CADM2: variants seen among roughly 807,000 people sequenced by gnomAD.
CADM2 encodes the protein immunoglobulin superfamily member 4D.
A neutral mutation model predicts 49.8 loss-of-function variants in CADM2; 12 were observed. The observed-to-expected ratio is 0.24, with a 90% confidence interval of 0.15 to 0.39. CADM2 has a LOEUF of 0.39. Ranked by LOEUF, CADM2 falls within the 10% of genes least tolerant of loss-of-function variation. CADM2 has a pLI of 1.00. For missense variants in CADM2, 378 were observed against 492.3 expected, an observed-to-expected ratio of 0.77 and a Z score of 2.20; for synonymous variants, 214 against 175.4, an observed-to-expected ratio of 1.22 and a Z score of -1.74.
At chr3:85,641,516 AATTAT>A (rs2064711377) in intron 1 of CADM2, among the ~76,000 whole-genome samples, 1 of 152,140 alleles carries the variant, frequency 6.6e-6, no homozygotes, top group Non-Finnish European at 1.5e-5. Flanking sequence ...TTTTTCCCAA[AATTAT>A]ATTGTTTGGA....
At chr3:85,987,666 T>C (rs907972219) in intron 8 of CADM2, among the ~76,000 whole-genome samples, 36 of 146,788 alleles carry the variant, frequency 2.5e-4, no homozygotes, top group Non-Finnish European at 3.5e-4. Flanking sequence ...TAATTTATAA[T>C]ATAAATTTAT....
intron 1 of CADM2, among the ~76,000 whole-genome samples, chr3:85,108,416 A>G (rs1317365508): frequency 6.6e-6 from 1 of 152,190 alleles, no homozygotes; most frequent in African/African-American, 2.4e-5. Flanking sequence ...TCTTGAAGAT[A>G]TTATACTAAG....
At chr3:86,030,216 T>C (rs1169707730) in intron 8 of CADM2, among the ~76,000 whole-genome samples, 1 of 151,980 alleles carries the variant, frequency 6.6e-6, no homozygotes, top group Non-Finnish European at 1.5e-5. Flanking sequence ...TCTAGAGACA[T>C]AGAATACTTA....
At chr3:85,498,316 A>G (rs2039987080) in intron 1 of CADM2, among the ~76,000 whole-genome samples, 1 of 152,142 alleles carries the variant, frequency 6.6e-6, no homozygotes, top group Non-Finnish European at 1.5e-5. Context: ...AAATAACAAC[A>G]ACAACTGTTA....
chr3:85,733,317 G>C (rs910323837), intron 2 of CADM2, among the ~76,000 whole-genome samples: 2 of 152,200 alleles, frequency 1.3e-5, no homozygotes, highest in African/African-American at 4.8e-5. Context: ...TTTATTGTAA[G>C]ATGACCCAGT....
At chr3:85,096,919 C>T (rs1233686424) in intron 1 of CADM2, among the ~76,000 whole-genome samples, 1 of 151,880 alleles carries the variant, frequency 6.6e-6, no homozygotes, top group Admixed American at 6.6e-5. Flanking sequence ...TTAGTTTTAC[C>T]TTTTATGTTT....
intron 1 of CADM2, among the ~76,000 whole-genome samples, chr3:85,602,499 G>A (rs2063435342): frequency 6.6e-6 from 1 of 151,634 alleles, no homozygotes; most frequent in South Asian, 2.1e-4. Context: ...AACAACTTGC[G>A]ACATTGTCTT....
intron 8 of CADM2, among the ~76,000 whole-genome samples, chr3:86,039,417 C>T (rs146698617): frequency 0.034 from 5,220 of 152,202 alleles, 177 homozygotes; most frequent in African/African-American, 0.083. Context: ...TCTTAGCGAA[C>T]GGCACACCAG....
intron 1 of CADM2, among the ~76,000 whole-genome samples, chr3:85,567,380 A>C (rs190263297): frequency 1.3e-5 from 2 of 152,284 alleles, no homozygotes; most frequent in Admixed American, 1.3e-4. Flanking sequence ...CAATGTATTT[A>C]AACTTGCTGT....
intron 1 of CADM2, among the ~76,000 whole-genome samples, chr3:85,248,040 G>A (rs1030288704): frequency 3.9e-5 from 6 of 151,974 alleles, no homozygotes; most frequent in Non-Finnish European, 4.4e-5. Flanking sequence ...TCCTCACTCA[G>A]ATAGATTGTG....
At chr3:85,539,297 T>C (rs1281605347) in intron 1 of CADM2, among the ~76,000 whole-genome samples, 1 of 152,092 alleles carries the variant, frequency 6.6e-6, no homozygotes, top group African/African-American at 2.4e-5. Context: ...GTGCTAATTA[T>C]ATCAGTAAAA....
At chr3:85,243,938 A>G (rs1458204960) in intron 1 of CADM2, among the ~76,000 whole-genome samples, 2 of 152,046 alleles carry the variant, frequency 1.3e-5, no homozygotes, top group African/African-American at 4.8e-5. Context: ...TAAAATCATT[A>G]TTAAATGTAT....
At chr3:85,008,796 A>G (rs1192073669) in intron 1 of CADM2, among the ~76,000 whole-genome samples, 1 of 152,102 alleles carries the variant, frequency 6.6e-6, no homozygotes, top group African/African-American at 2.4e-5. Flanking sequence ...TGTTTTAGTT[A>G]TCGTTTTTCT....
At chr3:85,693,797 G>A (rs2107688026) in intron 1 of CADM2, among the ~76,000 whole-genome samples, 1 of 148,784 alleles carries the variant, frequency 6.7e-6, no homozygotes, top group East Asian at 2.0e-4. Context: ...TCGGGAGGCT[G>A]AGGCAGGGGA....
At chr3:86,030,093 A>G (rs1734377028) in intron 8 of CADM2, among the ~76,000 whole-genome samples, 1 of 152,028 alleles carries the variant, frequency 6.6e-6, no homozygotes, top group South Asian at 2.1e-4. Flanking sequence ...AGGTTTAATG[A>G]ATGAAGCTTG....
chr3:85,873,530 G>T (rs1322081648), intron 3 of CADM2, among the ~76,000 whole-genome samples: 1 of 152,060 alleles, frequency 6.6e-6, no homozygotes, highest in Admixed American at 6.6e-5. Flanking sequence ...GTCAGGCATG[G>T]TGGTGTGTGC....
chr3:85,034,310 T>C (rs1250092314), intron 1 of CADM2, among the ~76,000 whole-genome samples: 1 of 151,204 alleles, frequency 6.6e-6, no homozygotes, highest in Non-Finnish European at 1.5e-5. Flanking sequence ...TTCTAATGAG[T>C]TCAGTTGTTT....
chr3:85,614,818 C>T (rs1371405602), intron 1 of CADM2, among the ~76,000 whole-genome samples: 3 of 151,926 alleles, frequency 2.0e-5, no homozygotes, highest in Non-Finnish European at 4.4e-5. Flanking sequence ...AGCTACATTG[C>T]TACTTCACTT....
chr3:85,999,271 T>TGGA (rs1729836255), intron 8 of CADM2, among the ~76,000 whole-genome samples: 1 of 143,130 alleles, frequency 7.0e-6, no homozygotes, highest in Non-Finnish European at 1.5e-5. Context: ...GGCCGAGGGT[T>TGGA]GGGGGGTGGA....
Sources: gnomAD v4.1 joint callset for allele counts (sites outside exome capture counted in the v4.1 genomes callset) on GRCh38, gnomAD v4.1.1 for gene constraint, MANE v1.5 for transcripts, NCBI Gene and HGNC (gene_info 2026-07-23, HGNC 2026-07-21) for gene names.